NEDD4: variants seen among roughly 807,000 people sequenced by gnomAD.
The protein encoded by NEDD4 is NEDD4 E3 ubiquitin protein ligase.
NEDD4 carries 99 observed loss-of-function variants against 144.9 expected under a neutral mutation model. The ratio of observed to expected loss-of-function variants is 0.68; its 90% CI spans 0.58 to 0.81. The LOEUF is 0.81. Among genes scored for constraint, NEDD4 ranks in the 30% least tolerant of loss-of-function variants. The pLI is 0.00. For missense variants in NEDD4, 985 were observed against 1,065.9 expected, an observed-to-expected ratio of 0.92 and a Z score of 1.06; for synonymous variants, 318 against 350.6, an observed-to-expected ratio of 0.91 and a Z score of 1.04.
At chr15:55,915,180 C>A in intron 5 of NEDD4, 2 of 1,031,642 alleles carry the variant, frequency 1.9e-6, no homozygotes, top group Admixed American at 3.0e-5. Flanking sequence ...AGCTAAGGAC[C>A]AGGAAAATAT....
At chr15:55,967,973 A>C (rs1347832131) in intron 1 of NEDD4, among the ~76,000 whole-genome samples, 2 of 152,202 alleles carry the variant, frequency 1.3e-5, no homozygotes, top group Non-Finnish European at 2.9e-5. Flanking sequence ...ACTGCACTCC[A>C]GCCTGGGTGA....
intron 7 of NEDD4, among the ~76,000 whole-genome samples, chr15:55,870,956 T>C (rs2034772216): frequency 6.6e-6 from 1 of 152,212 alleles, no homozygotes; most frequent in Non-Finnish European, 1.5e-5. Context: ...ATCAGATATG[T>C]AGCAATTACC....
chr15:55,933,888 T>A (rs965506717), intron 4 of NEDD4, among the ~76,000 whole-genome samples: 1 of 152,214 alleles, frequency 6.6e-6, no homozygotes, highest in Non-Finnish European at 1.5e-5. Flanking sequence ...AGGCAGTGGT[T>A]CACACCTGTA....
chr15:55,980,237 T>A (rs2037776150), intron 1 of NEDD4, among the ~76,000 whole-genome samples: 1 of 152,226 alleles, frequency 6.6e-6, no homozygotes, highest in Non-Finnish European at 1.5e-5. Flanking sequence ...CTGGCCATCT[T>A]TTCATTAACT....
chr15:55,904,857 C>T (rs1295353201), intron 5 of NEDD4, among the ~76,000 whole-genome samples: 2 of 151,880 alleles, frequency 1.3e-5, no homozygotes, highest in African/African-American at 4.8e-5. Context: ...CTTTGGGAGG[C>T]CGAGGTGGGT....
chr15:55,974,039 T>G (rs1315674764), intron 1 of NEDD4, among the ~76,000 whole-genome samples: 1 of 151,948 alleles, frequency 6.6e-6, no homozygotes, highest in Non-Finnish European at 1.5e-5. Context: ...TTAACTAGAC[T>G]AAGGAGAGAA....
At chr15:55,942,926 C>T (rs555143217) in intron 4 of NEDD4, among the ~76,000 whole-genome samples, 1 of 152,300 alleles carries the variant, frequency 6.6e-6, no homozygotes, top group East Asian at 1.9e-4. Context: ...AAAGTCCAGG[C>T]TGAGGTGGTC....
Position 55,841,870 on chromosome 15 carries a change from C to T in NEDD4, c.1838+64G>A, listed in dbSNP as rs1380951175. On this transcript the variant is annotated intron_variant, in intron 19 of 28. Coordinates refer to ENST00000435532, the MANE Select transcript of NEDD4 (RefSeq NM_006154.4). ...ACAGGCATGAGCCACTGCACCCGGCCGACTCTTACTTTTAAAACAGTGATT... is the reference window on the plus strand; with the variant it reads ...ACAGGCATGAGCCACTGCACCCGGCTGACTCTTACTTTTAAAACAGTGATT... The T allele has an allele frequency of 2.0e-5, 28 of 1,423,726 alleles. 1 individual carries two copies. Among genetic ancestry groups the T allele is most frequent in the African/African-American group, 1.7e-4 (12 of 70,892 alleles). The allele number at this position is 1,423,726 out of a possible 1,614,324, so 88.2% of individuals were successfully genotyped here. A position where few individuals can be genotyped will look rare whatever the true frequency, so the allele number is the denominator to read the frequency against.
intron 13 of NEDD4, among the ~76,000 whole-genome samples, chr15:55,852,184 T>C (rs1396108450): frequency 6.6e-6 from 1 of 151,822 alleles, no homozygotes. Flanking sequence ...TAATCCCATC[T>C]ACTCAGGAGG....
chr15:55,878,178 T>C (rs2035059502), intron 5 of NEDD4, among the ~76,000 whole-genome samples: 1 of 152,168 alleles, frequency 6.6e-6, no homozygotes, highest in South Asian at 2.1e-4. Context: ...TAATCAGGTA[T>C]ACAGTAAGTA....
intron 1 of NEDD4, among the ~76,000 whole-genome samples, chr15:55,977,619 T>C (rs1399063995): frequency 6.6e-6 from 1 of 151,868 alleles, no homozygotes; most frequent in African/African-American, 2.4e-5. Context: ...AGCTGATCTT[T>C]CAAGAAAGAA....
chr15:55,914,244 C>T (rs528372720), intron 5 of NEDD4, among the ~76,000 whole-genome samples: 1 of 150,370 alleles, frequency 6.7e-6, no homozygotes, highest in African/African-American at 2.4e-5. Flanking sequence ...ATGGATGTTA[C>T]AAAAACACAG....
At chr15:55,972,491 C>A (rs12438374) in intron 1 of NEDD4, among the ~76,000 whole-genome samples, 22,578 of 151,988 alleles carry the variant, frequency 0.15, 1,803 homozygotes, top group East Asian at 0.32. Context: ...TTAATTGCAA[C>A]CCTCATGTAA....
chr15:55,851,626 G>A (rs1595748584), intron 13 of NEDD4, among the ~76,000 whole-genome samples: 1 of 151,888 alleles, frequency 6.6e-6, no homozygotes, highest in African/African-American at 2.4e-5. Context: ...ACAGGCATGC[G>A]CCACCACGCC....
rs60902586 is a variant in NEDD4 at position 55,964,650 on chromosome 15, GGTGTGT to G, written c.119+1817_119+1822del. Among the ~76,000 whole-genome samples the G allele has an allele frequency of 7.1e-4, 103 of 144,298 alleles. 1 individual carries two copies. The highest frequency in any genetic ancestry group is 2.2e-3 in the South Asian group (10 of 4,460). The allele number at this position is 144,298 out of a possible 152,430, so 94.7% of individuals were successfully genotyped here. A position where few individuals can be genotyped will look rare whatever the true frequency, so the allele number is the denominator to read the frequency against. On this transcript the variant is annotated intron_variant, in intron 2 of 28. Transcript: ENST00000435532. Reference sequence around the variant, plus strand: ...GTTTTGGAGACTGAATTTTGCTGCTGGTGTGTGTGTGTGTGTGTGTGTGTGTGTGAA... The same window carrying G: ...GTTTTGGAGACTGAATTTTGCTGCTGGTGTGTGTGTGTGTGTGTGTGTGAA...
intron 5 of NEDD4, among the ~76,000 whole-genome samples, chr15:55,896,593 T>C (rs1170546377): frequency 6.6e-6 from 1 of 152,186 alleles, no homozygotes; most frequent in Non-Finnish European, 1.5e-5. Flanking sequence ...ATAGTTCTCT[T>C]GCACTCCAAC....
intron 4 of NEDD4, among the ~76,000 whole-genome samples, chr15:55,925,797 C>T (rs888418506): frequency 2.0e-5 from 3 of 152,138 alleles, no homozygotes; most frequent in Admixed American, 1.3e-4. Context: ...AGGCTCATCA[C>T]ACTGCACACC....
At chr15:55,933,941 G>A (rs1196539278) in intron 4 of NEDD4, among the ~76,000 whole-genome samples, 1 of 152,166 alleles carries the variant, frequency 6.6e-6, no homozygotes, top group Non-Finnish European at 1.5e-5. Flanking sequence ...GTCACCTGAG[G>A]TCAGGAGTTC....
intron 22 of NEDD4, 87 bp downstream of exon 22, chr15:55,838,422 C>A (rs886777621): frequency 2.1e-6 from 2 of 934,608 alleles, no homozygotes; most frequent in Admixed American, 4.1e-5. Context: ...AAAAACAGAG[C>A]CTAGGAATGT....
Sources: gnomAD v4.1 joint callset for allele counts (sites outside exome capture counted in the v4.1 genomes callset) on GRCh38, gnomAD v4.1.1 for gene constraint, MANE v1.5 for transcripts, NCBI Gene and HGNC (gene_info 2026-07-23, HGNC 2026-07-21) for gene names.